Variants in GTF3C1 observed in about 807,000 individuals in gnomAD.
GTF3C1 encodes general transcription factor 3C polypeptide 1.
In GTF3C1, 57 loss-of-function variants were observed where a neutral mutation model predicts 226.7. The observed-to-expected ratio is 0.25, with a 90% CI of 0.20 to 0.31. The LOEUF is 0.31. Among genes scored for constraint, GTF3C1 ranks in the 10% least tolerant of loss-of-function variants. The pLI is 1.00. For synonymous variants in GTF3C1, 1,090 were observed against 1,084.8 expected (o/e 1.00, Z -0.09); for missense variants, 2,217 against 2,776.1 (o/e 0.80, Z 4.53).
chr16:27,525,916 T>C (rs533010997), intron 6 of GTF3C1, among the ~76,000 whole-genome samples: 2 of 150,314 alleles, frequency 1.3e-5, no homozygotes, highest in African/African-American at 4.9e-5. Flanking sequence ...TTTCAGTTTC[T>C]TCTGCTCCCT....
intron 5 of GTF3C1, among the ~76,000 whole-genome samples, chr16:27,529,128 A>G (rs967583547): frequency 1.3e-5 from 2 of 152,152 alleles, no homozygotes; most frequent in Non-Finnish European, 2.9e-5. Context: ...AGGAGAGAAA[A>G]AAAAGGGGAA....
At chr16:27,489,784 G>A in intron 19 of GTF3C1, 41 bp from the exon 20 acceptor site, 1 of 1,592,730 alleles carries the variant, frequency 6.3e-7, no homozygotes, top group Non-Finnish European at 8.5e-7. Context: ...ACGCCTTCCT[G>A]CTGCAGCTCT....
chr16:27,480,991 T>C (rs2088035934), intron 27 of GTF3C1, 88 bp downstream of exon 27: 2 of 1,074,236 alleles, frequency 1.9e-6, no homozygotes, highest in South Asian at 2.6e-5. Flanking sequence ...TGCTGTGCGC[T>C]TCCCGGACCT....
Position 27,528,769 on chromosome 16 carries a change from T to G in GTF3C1, c.850-48A>C, listed in dbSNP as rs778052326. 8 of 1,568,880 alleles carry G rather than the reference T, an allele frequency of 5.1e-6. No individual in the cohort carries two copies. The East Asian group carries it at 1.8e-4, about 35-fold the overall frequency. The stretch of plus-strand genomic sequence containing the variant: ...CTACTATTAGACACAGCAAGATGTC[T>G]GAAATGACTAGAAAGTCATATAAAT... On this transcript the variant is annotated intron_variant, in intron 5 of 36. Transcript: ENST00000356183.
intron 6 of GTF3C1, among the ~76,000 whole-genome samples, chr16:27,514,425 C>T (rs1214672410): frequency 2.0e-5 from 3 of 152,112 alleles, no homozygotes; most frequent in Non-Finnish European, 4.4e-5. Context: ...TCTGAAGGCT[C>T]GGGCACTGGG....
chr16:27,497,651 T>C lies in GTF3C1; in HGVS notation c.2336A>G (p.Tyr779Cys). The C allele has an allele frequency of 6.2e-7, 1 of 1,613,166 alleles. No homozygotes were observed. The highest frequency in any genetic ancestry group is 8.5e-7 in the Non-Finnish European group (1 of 1,179,324). The change falls in exon 14 of 37, where the codon TAT becomes TGT. Residue 779 changes from tyrosine (Y) to cysteine (C), a missense_variant. Physicochemically the swap from Tyr to Cys is radical, Grantham distance 194 (BLOSUM62 -2). This residue lies in a region of GTF3C1 where 100 missense variants were observed against 139.9 expected (regional missense o/e 0.71). Coordinates refer to ENST00000356183, the MANE Select transcript of GTF3C1 (RefSeq NM_001520.4). ...CTGCAGCTTACCTACAATGGGGTGA[T>C]AATTTCTAAGCGGGGTTATGCCCAT... ...NKMGITPLRNYHPIVVPGLGR... is the reference protein window; with the variant it reads ...NKMGITPLRNCHPIVVPGLGR...
Position 27,492,279 on chromosome 16 carries a change from A to G in GTF3C1, c.3151+59T>C. The G allele has an allele frequency of 1.0e-6, 1 of 999,644 alleles. No homozygotes were observed. The highest frequency in any genetic ancestry group is 2.4e-5 in the East Asian group (1 of 41,918). 61.9% of individuals were successfully genotyped at this position (999,644 alleles called of 1,614,324 possible). On this transcript the variant is annotated intron_variant, in intron 19 of 36. Transcript: ENST00000356183. The surrounding 1 kb of genome is among the most constrained non-coding windows in gnomAD (Gnocchi z 5.0). Reference sequence around the variant, plus strand: ...CTAGGCTTTTCTAGCCCTAAATCCCAGTTAGCACACAGAAAGGAGCAAAAG... The same window carrying G: ...CTAGGCTTTTCTAGCCCTAAATCCCGGTTAGCACACAGAAAGGAGCAAAAG...
intron 19 of GTF3C1, among the ~76,000 whole-genome samples, chr16:27,490,387 A>T (rs780387933): frequency 4.6e-5 from 7 of 152,234 alleles, no homozygotes; most frequent in Non-Finnish European, 7.3e-5. Flanking sequence ...AGACTCTCAA[A>T]GACTCTCTCC....
Position 27,470,347 on chromosome 16 carries a change from C to T in GTF3C1, c.4575G>A (p.Gln1525=). 1.2e-6 allele frequency: 2 copies of T among 1,614,106 alleles called. No homozygotes were observed. The highest frequency in any genetic ancestry group is 3.3e-5 in the Admixed American group (2 of 60,018). ...FPSTICTESF[Q]FLDRMRAAGK... ...CGGCAGCCCGCATTCTGTCCAAAAA[C>T]TGGAATGACTCCGTGCAGATGGTGC... The change falls in exon 31 of 37, where the codon CAG becomes CAA. Residue 1525 remains glutamine (Q), a synonymous_variant. Coordinates refer to ENST00000356183, the MANE Select transcript of GTF3C1 (RefSeq NM_001520.4). The surrounding 1 kb of genome is among the most constrained non-coding windows in gnomAD (Gnocchi z 4.9).
At chr16:27,479,057 C>T (rs2087998012) in intron 27 of GTF3C1, among the ~76,000 whole-genome samples, 1 of 152,050 alleles carries the variant, frequency 6.6e-6, no homozygotes, top group African/African-American at 2.4e-5. Context: ...TGCATGGTGA[C>T]CACAGTTAAT....
Position 27,502,870 on chromosome 16 carries a change from C to G in GTF3C1, c.1896G>C (p.Glu632Asp). ...IEAVTNLRLI[E>D]SLFTIQKMIM... is the part of the protein sequence containing the mutation. ...AGACAGCTCCTTACGTGAATAAACT[C>G]TCGATTAAGCGAAGATTGGTGACAG... Residue 632 changes from glutamate (E) to aspartate (D), a missense_variant, in exon 11 of 37, where the codon GAG (glutamate) becomes GAC (aspartate). Coordinates refer to ENST00000356183, the MANE Select transcript of GTF3C1 (RefSeq NM_001520.4). 1 of 1,581,008 alleles carries G rather than the reference C, an allele frequency of 6.3e-7. No individual in the cohort carries two copies. Among genetic ancestry groups the G allele is most frequent in the Non-Finnish European group, 8.6e-7 (1 of 1,161,934 alleles).
At chr16:27,524,686 A>G (rs929832524) in intron 6 of GTF3C1, among the ~76,000 whole-genome samples, 1 of 152,246 alleles carries the variant, frequency 6.6e-6, no homozygotes, top group African/African-American at 2.4e-5. Context: ...TTGCCTGTCT[A>G]GCAAAAAAGG....
chr16:27,466,601 A>G (rs1015408647), intron 32 of GTF3C1, among the ~76,000 whole-genome samples: 3 of 152,218 alleles, frequency 2.0e-5, no homozygotes, highest in African/African-American at 7.2e-5. Flanking sequence ...CTCACTTTAC[A>G]TCAAAAGCTA....
chr16:27,528,574 A>C (rs1364705206), intron 6 of GTF3C1, 24 bp downstream of exon 6: 2 of 1,595,098 alleles, frequency 1.3e-6, no homozygotes, highest in Admixed American at 3.4e-5. Context: ...AGCCAAGGGA[A>C]CAGAAGCTGA....
chr16:27,539,828 A>G (rs999290959), intron 2 of GTF3C1, among the ~76,000 whole-genome samples: 5 of 152,184 alleles, frequency 3.3e-5, no homozygotes, highest in Admixed American at 1.3e-4. Flanking sequence ...TGCTGGTGCC[A>G]TGCTCTTGGA....
At chr16:27,510,168 G>A (rs565464864) in intron 7 of GTF3C1, among the ~76,000 whole-genome samples, 2 of 152,250 alleles carry the variant, frequency 1.3e-5, no homozygotes, top group South Asian at 2.1e-4. Flanking sequence ...GGTGGATCAC[G>A]AGGTCAAGAG....
intron 7 of GTF3C1, among the ~76,000 whole-genome samples, chr16:27,509,757 C>CAAA (rs770402001): frequency 1.7e-3 from 99 of 57,678 alleles, no homozygotes; most frequent in Admixed American, 3.0e-3. Flanking sequence ...GACTCCGTCT[C>CAAA]AAAAAAAAAA....
intron 2 of GTF3C1, among the ~76,000 whole-genome samples, chr16:27,542,722 C>T (rs1217051304): frequency 1.3e-5 from 2 of 152,080 alleles, no homozygotes; most frequent in Non-Finnish European, 2.9e-5. Context: ...GGATTAGCTC[C>T]GGTGAGAGTG....
At chr16:27,520,367 G>C (rs1364439211) in intron 6 of GTF3C1, among the ~76,000 whole-genome samples, 2 of 151,942 alleles carry the variant, frequency 1.3e-5, no homozygotes, top group African/African-American at 2.4e-5. Context: ...CACCTGCCTC[G>C]ACCTCCCAAA....
Sources: gnomAD v4.1 joint callset for allele counts (sites outside exome capture counted in the v4.1 genomes callset) on GRCh38, gnomAD v4.1.1 for gene constraint, gnomAD v4.1.1 regional missense constraint, Gnocchi (gnomAD v3.1) non-coding constraint, MANE v1.5 for transcripts, NCBI Gene and HGNC (gene_info 2026-07-23, HGNC 2026-07-21) for gene names.